EIF3L: variants seen among roughly 807,000 people sequenced by gnomAD.
EIF3L encodes eIEF associated protein HSPC021.
A neutral mutation model predicts 74.6 loss-of-function variants in EIF3L; 32 were observed. That is an observed-to-expected ratio of 0.43 (90% CI 0.32 to 0.58). The LOEUF (loss-of-function observed/expected upper bound fraction) is 0.58, where lower values mean the gene tolerates loss of function less well. Among genes scored for constraint, EIF3L ranks in the 20% least tolerant of loss-of-function variants. EIF3L has a pLI of 0.06. For synonymous variants in EIF3L, 256 were observed against 254.4 expected, an observed-to-expected ratio of 1.01 and a Z score of -0.06; for missense variants, 474 against 707.8, an observed-to-expected ratio of 0.67 and a Z score of 3.75.
intron 7 of EIF3L, among the ~76,000 whole-genome samples, chr22:37,865,053 T>C (rs1338790068): frequency 1.3e-5 from 2 of 152,230 alleles, no homozygotes; most frequent in East Asian, 3.8e-4. Flanking sequence ...TTTTCCATCT[T>C]ATTTAGCCCA....
chr22:37,869,664 A>T (rs1425060476), intron 7 of EIF3L, among the ~76,000 whole-genome samples: 1 of 152,098 alleles, frequency 6.6e-6, no homozygotes, highest in African/African-American at 2.4e-5. Flanking sequence ...GCTTGGCCAG[A>T]CGACTCTGGT....
intron 2 of EIF3L, 89 bp downstream of exon 2, chr22:37,850,152 T>A: frequency 6.9e-7 from 1 of 1,458,672 alleles, no homozygotes; most frequent in Non-Finnish European, 9.6e-7. Flanking sequence ...CATCAAAAAT[T>A]GCTCTTTGAT....
At chr22:37,862,417 TG>T (rs1384521654) in intron 5 of EIF3L, among the ~76,000 whole-genome samples, 1 of 152,238 alleles carries the variant, frequency 6.6e-6, no homozygotes, top group Non-Finnish European at 1.5e-5. Context: ...TGATGGTTTC[TG>T]TCAGATCTGT....
At chr22:37,871,735 G>C (rs1410930334) in intron 8 of EIF3L, among the ~76,000 whole-genome samples, 2 of 151,982 alleles carry the variant, frequency 1.3e-5, no homozygotes, top group Non-Finnish European at 2.9e-5. Context: ...CGGGCCTGGT[G>C]GTGGGCACCT....
At chr22:37,873,833 GA>G (rs1926608269) in intron 8 of EIF3L, among the ~76,000 whole-genome samples, 1 of 152,258 alleles carries the variant, frequency 6.6e-6, no homozygotes, top group Admixed American at 6.5e-5. Context: ...AAGTTGCTGG[GA>G]TTAGAGGTCT....
chr22:37,887,931 C>T (rs1352956086), intron 12 of EIF3L: 1 of 154,450 alleles, frequency 6.5e-6, no homozygotes, highest in Non-Finnish European at 1.4e-5. Context: ...GTGTGGGTCT[C>T]TCTTTGTGGC....
chr22:37,859,521 G>A (rs887396755), intron 5 of EIF3L, among the ~76,000 whole-genome samples: 2 of 151,298 alleles, frequency 1.3e-5, no homozygotes, highest in African/African-American at 2.4e-5. Flanking sequence ...AGCTGGGATT[G>A]CAGGTGCCTG....
chr22:37,849,597 C>G, intron 1 of EIF3L, 115 bp downstream of exon 1: 1 of 1,199,656 alleles, frequency 8.3e-7, no homozygotes, highest in Non-Finnish European at 1.2e-6. Flanking sequence ...GGCCGACCTC[C>G]CGCCCGGCCC....
intron 6 of EIF3L, 37 bp downstream of exon 6, chr22:37,863,075 TATG>T (rs757460917): frequency 1.9e-6 from 3 of 1,570,184 alleles, no homozygotes; most frequent in Middle Eastern, 1.7e-4. Flanking sequence ...TGTGTGTGGT[TATG>T]ATGAGGTTCA....
intron 11 of EIF3L, chr22:37,881,734 C>T (rs1476058902): frequency 2.0e-5 from 3 of 152,134 alleles, no homozygotes; most frequent in Non-Finnish European, 2.9e-5. Flanking sequence ...CTAAGATCAG[C>T]AAATGTCCAT....
chr22:37,873,006 T>G lies in EIF3L; in HGVS notation c.752-1364T>G, dbSNP rs541388977. Among the ~76,000 whole-genome samples the G allele has an allele frequency of 2.0e-5, 3 of 152,298 alleles. No individual in the cohort carries two copies. The East Asian group carries it at 5.8e-4, about 29-fold the overall frequency. ...CTTCTTTTTTTATTTTTATTTTTTT[T>G]GAGACAGAGTCTTGCTCTGTAGCCC... On this transcript the variant is annotated intron_variant, in intron 8 of 12. Coordinates refer to ENST00000652021, the MANE Select transcript of EIF3L (RefSeq NM_016091.4).
At chr22:37,871,392 C>T (rs566405184) in intron 8 of EIF3L, 1 of 152,236 alleles carries the variant, frequency 6.6e-6, no homozygotes, top group African/African-American at 2.4e-5. Flanking sequence ...TTTTTGAGCA[C>T]CAACATGACG....
intron 4 of EIF3L, among the ~76,000 whole-genome samples, chr22:37,857,332 T>G (rs1479363410): frequency 8.4e-6 from 1 of 118,694 alleles, no homozygotes; most frequent in Non-Finnish European, 1.6e-5. Context: ...ATTGCGCCAC[T>G]GGACTCCAGC....
At chr22:37,868,462 T>C (rs1601768957) in intron 7 of EIF3L, among the ~76,000 whole-genome samples, 1 of 150,150 alleles carries the variant, frequency 6.7e-6, no homozygotes, top group African/African-American at 2.4e-5. Context: ...ATTCTTTTTT[T>C]TTCCCCCCTA....
At chr22:37,886,717 C>T (rs1314198512) in intron 11 of EIF3L, 48 bp from the exon 12 acceptor site, 2 of 1,559,436 alleles carry the variant, frequency 1.3e-6, no homozygotes, top group Admixed American at 1.7e-5. Context: ...TTAGATGGCC[C>T]TGCTCCTCCA....
chr22:37,877,975 T>C lies in EIF3L; in HGVS notation c.1379T>C (p.Ile460Thr). Reference protein sequence around the residue: ...EVQQQAQLSTIRSFLKLYTTM... With the variant: ...EVQQQAQLSTTRSFLKLYTTM... ...CAGCAGCAGGCCCAGCTTTCAACCATCCGCAGCTTCCTGAAGCTCTACACC... is the reference window on the plus strand; with the variant it reads ...CAGCAGCAGGCCCAGCTTTCAACCACCCGCAGCTTCCTGAAGCTCTACACC... Residue 460 changes from isoleucine to threonine, a missense_variant, in exon 11 of 13, where the codon ATC becomes ACC. By Grantham distance (89) the Ile-to-Thr change is moderately conservative. Transcript: ENST00000652021. The C allele has an allele frequency of 6.2e-7, 1 of 1,612,292 alleles. No homozygotes were observed. The highest frequency in any genetic ancestry group is 1.1e-5 in the South Asian group (1 of 90,996).
intron 11 of EIF3L, chr22:37,884,515 C>A (rs1415238529): frequency 6.6e-6 from 1 of 152,126 alleles, no homozygotes; most frequent in African/African-American, 2.4e-5. Flanking sequence ...ACTCTCATTT[C>A]ATTTTTATGG....
intron 7 of EIF3L, among the ~76,000 whole-genome samples, chr22:37,868,905 G>A (rs544772095): frequency 6.6e-6 from 1 of 151,552 alleles, no homozygotes; most frequent in East Asian, 2.0e-4. Context: ...GCCTCCCAAA[G>A]TGCTGGGATT....
At chr22:37,863,739 A>C (rs774974030) in intron 7 of EIF3L, among the ~76,000 whole-genome samples, 2 of 152,024 alleles carry the variant, frequency 1.3e-5, no homozygotes, top group Non-Finnish European at 2.9e-5. Flanking sequence ...TTACCCACAC[A>C]ATGGAAATGT....
Sources: allele counts gnomAD v4.1 joint callset (sites outside exome capture counted in the v4.1 genomes callset), GRCh38; gene constraint gnomAD v4.1.1; transcripts MANE v1.5; gene names NCBI Gene and HGNC (gene_info 2026-07-23, HGNC 2026-07-21).